Variants in PDPR observed in about 807,000 individuals in gnomAD.
The protein encoded by PDPR is pyruvate dehydrogenase phosphatase regulatory subunit.
In PDPR, 50 loss-of-function variants were observed where a neutral mutation model predicts 102.2. The ratio of observed to expected loss-of-function variants is 0.49; its 90% CI spans 0.39 to 0.62. The LOEUF (loss-of-function observed/expected upper bound fraction) is 0.62. Among genes scored for constraint, PDPR ranks in the 20% least tolerant of loss-of-function variants. The pLI is 0.00. For missense variants in PDPR, 625 were observed against 1,098.2 expected, an observed-to-expected ratio of 0.57 and a Z score of 6.09; for synonymous variants, 259 against 406.0, an observed-to-expected ratio of 0.64 and a Z score of 4.35.
intron 2 of PDPR, among the ~76,000 whole-genome samples, chr16:70,118,294 A>G (rs1456599522): frequency 6.6e-6 from 1 of 152,248 alleles, no homozygotes; most frequent in Non-Finnish European, 1.5e-5. Context: ...GTGGGTCTAT[A>G]GGAAGGGTTT....
intron 3 of PDPR, among the ~76,000 whole-genome samples, chr16:70,125,422 C>T (rs1413212964): frequency 6.6e-5 from 10 of 151,200 alleles, no homozygotes; most frequent in African/African-American, 2.4e-4. Context: ...GGCATGGTGA[C>T]ACACACCTGT....
chr16:70,118,092 C>CA (rs67379775), intron 2 of PDPR, among the ~76,000 whole-genome samples: 1,092 of 105,672 alleles, frequency 0.01, 8 homozygotes, highest in African/African-American at 0.022. Context: ...GACTCTGTCT[C>CA]AAAAAAAAAA....
chr16:70,134,702 C>G (rs1451018250), intron 9 of PDPR, among the ~76,000 whole-genome samples: 4 of 151,428 alleles, frequency 2.6e-5, no homozygotes, highest in African/African-American at 7.3e-5. Flanking sequence ...AGGAGAATTG[C>G]TGGAACCCGG....
At chr16:70,143,463 A>T (rs533019943) in intron 13 of PDPR, 47 bp from the exon 14 acceptor site, 32 of 1,602,890 alleles carry the variant, frequency 2.0e-5, no homozygotes, top group Non-Finnish European at 2.1e-5. Flanking sequence ...TGGCCCAGCC[A>T]GGTGCTCTCA....
At chr16:70,126,760 C>T (rs1453558749) in intron 3 of PDPR, among the ~76,000 whole-genome samples, 6 of 152,230 alleles carry the variant, frequency 3.9e-5, no homozygotes, top group African/African-American at 1.2e-4. Context: ...TCCTGGCCTC[C>T]AGTGAACCTG....
intron 18 of PDPR, among the ~76,000 whole-genome samples, chr16:70,153,807 G>T (rs1407042620): frequency 1.3e-5 from 2 of 152,278 alleles, no homozygotes; most frequent in African/African-American, 4.8e-5. Context: ...CACTTTGGGA[G>T]GCTGAGGCGG....
In PDPR at chr16:70,131,336, CG is replaced by C. The variant is rs1964517261; in HGVS notation, c.766del (p.Val256LeufsTer14). ...AYELGLSNEE[P>X]VSIPLHACEH... ...GAGCTGGGTCTGTCCAACGAGGAGC[CG>C]GTTAGTATCCCGCTACATGCCTGCG... On this transcript the variant is annotated frameshift_variant, in exon 8 of 19. Coordinates refer to ENST00000288050, the MANE Select transcript of PDPR (RefSeq NM_017990.5). LOFTEE classifies it high-confidence loss of function. The C allele has an allele frequency of 6.5e-7, 1 of 1,533,700 alleles. No individual in the cohort carries two copies. Among genetic ancestry groups the C allele is most frequent in the Non-Finnish European group, 8.9e-7 (1 of 1,125,834 alleles).
At chr16:70,125,458 G>T (rs1963846749) in intron 3 of PDPR, among the ~76,000 whole-genome samples, 2 of 151,674 alleles carry the variant, frequency 1.3e-5, no homozygotes, top group Non-Finnish European at 2.9e-5. Context: ...GGAGACTGAG[G>T]CAGGAGAATA....
At position 70,159,030 on chromosome 16, in the gene PDPR, C is replaced by G. The variant is rs946283796; in HGVS notation, c.*2151C>G. The G allele has an allele frequency of 1.3e-5, 2 of 152,368 alleles. No individual in the cohort carries two copies. Among genetic ancestry groups the G allele is most frequent in the African/African-American group, 2.4e-5 (1 of 41,480 alleles). The allele number at this position is 152,368 out of a possible 1,614,324, so 9.4% of individuals were successfully genotyped here. A position where few individuals can be genotyped will look rare whatever the true frequency, so the allele number is the denominator to read the frequency against. On this transcript the variant is annotated 3_prime_UTR_variant, in exon 19 of 19. Coordinates refer to ENST00000288050, the MANE Select transcript of PDPR (RefSeq NM_017990.5). ...TATCACCACTTACCAGGATCCAAAT[C>G]GAAATAATAAAAGCTGTCTCCATAG...
At chr16:70,119,864 T>C (rs1341565422) in intron 2 of PDPR, among the ~76,000 whole-genome samples, 17 of 150,758 alleles carry the variant, frequency 1.1e-4, no homozygotes. Context: ...TAGCAGAATA[T>C]CTGAAACTCA....
intron 3 of PDPR, among the ~76,000 whole-genome samples, chr16:70,122,168 G>A (rs1225298022): frequency 6.6e-6 from 1 of 152,198 alleles, no homozygotes; most frequent in Non-Finnish European, 1.5e-5. Context: ...TGTTTTTTTA[G>A]TAGAGACAGG....
At chr16:70,122,159 G>GT (rs1042319459) in intron 3 of PDPR, among the ~76,000 whole-genome samples, 2 of 152,198 alleles carry the variant, frequency 1.3e-5, no homozygotes, top group African/African-American at 2.4e-5. Flanking sequence ...GCTAATTTCT[G>GT]TTTTTTTAGT....
chr16:70,126,581 T>C (rs1413700743), intron 3 of PDPR, among the ~76,000 whole-genome samples: 1 of 152,278 alleles, frequency 6.6e-6, no homozygotes, highest in African/African-American at 2.4e-5. Context: ...GCCAAGATGG[T>C]TTCGATCTCC....
At chr16:70,122,814 C>G (rs1372869384) in intron 3 of PDPR, among the ~76,000 whole-genome samples, 1 of 148,410 alleles carries the variant, frequency 6.7e-6, no homozygotes, top group Non-Finnish European at 1.5e-5. Context: ...ATTTCCTTCT[C>G]CCCCATTTAT....
intron 9 of PDPR, among the ~76,000 whole-genome samples, chr16:70,134,469 C>T (rs1307890242): frequency 6.6e-6 from 1 of 150,672 alleles, no homozygotes; most frequent in African/African-American, 2.4e-5. Flanking sequence ...AAGCGATCCA[C>T]CCGCCTCGGC....
intron 1 of PDPR, among the ~76,000 whole-genome samples, 152 bp downstream of exon 1, chr16:70,114,592 C>A (rs1345831663): frequency 6.6e-6 from 1 of 152,104 alleles, no homozygotes; most frequent in Non-Finnish European, 1.5e-5. Context: ...TGGCCTCTCG[C>A]GAAGTCGCGT....
At chr16:70,144,726 G>T (rs1181987374) in intron 15 of PDPR, among the ~76,000 whole-genome samples, 193 bp downstream of exon 15, 5 of 152,270 alleles carry the variant, frequency 3.3e-5, no homozygotes, top group African/African-American at 9.6e-5. Flanking sequence ...GGAGGCCGAG[G>T]TTGGAGGATC....
chr16:70,119,905 T>C (rs2152059115), intron 2 of PDPR, among the ~76,000 whole-genome samples: 1 of 136,106 alleles, frequency 7.3e-6, no homozygotes, highest in East Asian at 2.0e-4. Flanking sequence ...TTTTTTGTTT[T>C]TTTTTTGTTT....
intron 9 of PDPR, among the ~76,000 whole-genome samples, chr16:70,134,047 A>G (rs2152086535): frequency 1.3e-5 from 2 of 152,254 alleles, no homozygotes; most frequent in Middle Eastern, 3.4e-3. Flanking sequence ...CTTATTCTTT[A>G]TTCACCTAAA....
Sources: allele counts gnomAD v4.1 joint callset (sites outside exome capture counted in the v4.1 genomes callset), GRCh38; gene constraint gnomAD v4.1.1; transcripts MANE v1.5; gene names NCBI Gene and HGNC (gene_info 2026-07-23, HGNC 2026-07-21).